SPPL3: variants seen among roughly 807,000 people sequenced by gnomAD.
SPPL3 encodes signal peptide peptidase-like 3.
A neutral mutation model predicts 42.4 loss-of-function variants in SPPL3; 5 were observed. The observed-to-expected ratio is 0.12, with a 90% confidence interval of 0.06 to 0.25. SPPL3 has a LOEUF of 0.25. Among genes scored for constraint, SPPL3 ranks in the 10% least tolerant of loss-of-function variants. The probability of loss-of-function intolerance (pLI) is 1.00; values close to 1 mark genes in which losing one functional copy is unlikely to be tolerated. For missense variants in SPPL3, 235 were observed against 489.0 expected (o/e 0.48, Z 4.90); for synonymous variants, 195 against 181.8 (o/e 1.07, Z -0.58).
intron 1 of SPPL3, among the ~76,000 whole-genome samples, chr12:120,875,313 G>C (rs79026173): frequency 0.014 from 2,135 of 152,100 alleles, 40 homozygotes; most frequent in African/African-American, 0.045. Context: ...TTAAGTTACA[G>C]GTGAAATAGT....
intron 2 of SPPL3, among the ~76,000 whole-genome samples, chr12:120,803,501 C>T (rs1437556871): frequency 6.6e-6 from 1 of 151,814 alleles, no homozygotes; most frequent in Admixed American, 6.6e-5. Context: ...TTAACCTTAA[C>T]ATTATTTTTT....
intron 1 of SPPL3, among the ~76,000 whole-genome samples, chr12:120,902,552 C>T (rs1874014723): frequency 6.6e-6 from 1 of 152,182 alleles, no homozygotes; most frequent in Non-Finnish European, 1.5e-5. Flanking sequence ...GTAATTCCCT[C>T]TATTTTATAG....
chr12:120,792,348 C>CT (rs5801403), intron 2 of SPPL3, among the ~76,000 whole-genome samples: 3 of 151,796 alleles, frequency 2.0e-5, no homozygotes, highest in East Asian at 1.9e-4. Flanking sequence ...TCATTTCTTT[C>CT]TTTTTTTTTG....
At chr12:120,793,540 T>TA (rs1869992777) in intron 2 of SPPL3, among the ~76,000 whole-genome samples, 1 of 152,120 alleles carries the variant, frequency 6.6e-6, no homozygotes. Context: ...ATGGCTATAA[T>TA]AAAAAAGTCA....
At chr12:120,894,942 G>C (rs1263603571) in intron 1 of SPPL3, among the ~76,000 whole-genome samples, 1 of 103,338 alleles carries the variant, frequency 9.7e-6, no homozygotes, top group Non-Finnish European at 2.4e-5. Context: ...GTGAGAGTCC[G>C]TCTCAAACAA....
chr12:120,826,235 G>A (rs1439912006), intron 1 of SPPL3, among the ~76,000 whole-genome samples: 1 of 149,566 alleles, frequency 6.7e-6, no homozygotes, highest in Admixed American at 6.7e-5. Flanking sequence ...AGAGGTGGCG[G>A]TGAGCTGAGA....
At chr12:120,785,708 T>G (rs1869697812) in intron 3 of SPPL3, among the ~76,000 whole-genome samples, 1 of 151,488 alleles carries the variant, frequency 6.6e-6, no homozygotes, top group African/African-American at 2.4e-5. Context: ...TGGTGGCTCA[T>G]GCCTGTAATC....
chr12:120,849,167 A>T (rs1872144183), intron 1 of SPPL3, among the ~76,000 whole-genome samples: 1 of 151,480 alleles, frequency 6.6e-6, no homozygotes, highest in Non-Finnish European at 1.5e-5. Context: ...CTCCCTCTAA[A>T]ACCAGAGGAA....
intron 6 of SPPL3, among the ~76,000 whole-genome samples, chr12:120,781,169 T>C (rs1809057998): frequency 6.6e-6 from 1 of 152,182 alleles, no homozygotes. Context: ...AAGCACTCCA[T>C]TCATCCTAGG....
chr12:120,848,798 T>C (rs1872127959), intron 1 of SPPL3, among the ~76,000 whole-genome samples: 1 of 152,214 alleles, frequency 6.6e-6, no homozygotes, highest in Admixed American at 6.5e-5. Context: ...TTATACCTAA[T>C]GTGTAAGAAA....
chr12:120,864,198 T>C (rs1872695976), intron 1 of SPPL3, among the ~76,000 whole-genome samples: 1 of 152,184 alleles, frequency 6.6e-6, no homozygotes, highest in South Asian at 2.1e-4. Flanking sequence ...TACTAAAAAT[T>C]CCATCTATTA....
Position 120,829,545 on chromosome 12 carries a change from G to A in SPPL3, c.24-18659C>T, listed in dbSNP as rs187095626. On this transcript the variant is annotated intron_variant, in intron 1 of 10. Coordinates refer to ENST00000353487, the MANE Select transcript of SPPL3 (RefSeq NM_139015.5). ...TAGGGGGCAGGGGTTGCAGTGAGCT[G>A]AGATTGCACCACTGTACTCCAGCCT... 2.7e-4 allele frequency among the ~76,000 whole-genome samples: 41 copies of A among 152,200 alleles called. No homozygotes were observed. The East Asian group carries it at 7.7e-3, about 29-fold the overall frequency.
At chr12:120,857,692 T>G (rs1872505012) in intron 1 of SPPL3, among the ~76,000 whole-genome samples, 1 of 152,134 alleles carries the variant, frequency 6.6e-6, no homozygotes, top group Non-Finnish European at 1.5e-5. Flanking sequence ...CTGGAAGCCA[T>G]CATCCTCAGC....
At chr12:120,887,163 T>C (rs1696364) in intron 1 of SPPL3, among the ~76,000 whole-genome samples, 145,608 of 151,956 alleles carry the variant, frequency 0.96, 70,085 homozygotes, top group East Asian at 1. Flanking sequence ...CTGGCCAGGC[T>C]GGTCTCGAAC....
intron 1 of SPPL3, among the ~76,000 whole-genome samples, chr12:120,874,825 C>T (rs1873035352): frequency 6.6e-6 from 1 of 151,990 alleles, no homozygotes; most frequent in Admixed American, 6.6e-5. Flanking sequence ...TCCTTGAATT[C>T]AGACAAACCT....
chr12:120,829,012 C>T (rs920555124), intron 1 of SPPL3, among the ~76,000 whole-genome samples: 3 of 152,282 alleles, frequency 2.0e-5, no homozygotes, highest in East Asian at 3.9e-4. Context: ...ATCCTCCTGC[C>T]TCAAGCCTTC....
intron 1 of SPPL3, among the ~76,000 whole-genome samples, chr12:120,899,180 A>C (rs115749611): frequency 0.017 from 2,639 of 152,342 alleles, 87 homozygotes; most frequent in African/African-American, 0.059. Context: ...AAATTGTGAT[A>C]AAGATTCTGA....
chr12:120,837,460 G>A (rs117526339), intron 1 of SPPL3, among the ~76,000 whole-genome samples: 2,783 of 152,204 alleles, frequency 0.018, 48 homozygotes, highest in Middle Eastern at 0.034. Context: ...GCTGAAATAC[G>A]TGATATTAAA....
rs63543261 is a variant in SPPL3, at chr12:120,879,113, CAAAAAAAA to C, written c.23+24724_23+24731del. 8.9e-3 allele frequency among the ~76,000 whole-genome samples: 578 copies of C among 65,128 alleles called. 7 individuals are homozygous for C. Among genetic ancestry groups the C allele is most frequent in the African/African-American group, 0.024 (522 of 21,908 alleles). The allele number at this position is 65,128 out of a possible 152,430, so 42.7% of individuals were successfully genotyped here. ...GGGCAACAAGAGCAAAACTCTGTCT[CAAAAAAAA>C]AAAAAAAAAAAAAAGAATAAGATAA... is the stretch of plus-strand genomic sequence containing the variant. On this transcript the variant is annotated intron_variant, in intron 1 of 10. Transcript: ENST00000353487.
Sources: gnomAD v4.1 joint callset for allele counts (sites outside exome capture counted in the v4.1 genomes callset) on GRCh38, gnomAD v4.1.1 for gene constraint, MANE v1.5 for transcripts, NCBI Gene and HGNC (gene_info 2026-07-23, HGNC 2026-07-21) for gene names.